The following SCAF8 variants were observed in gnomAD, a reference collection of about 807,000 sequenced individuals.
SCAF8 encodes SR-related and CTD-associated factor 8.
SCAF8 carries 23 observed loss-of-function variants against 140.5 expected under a neutral mutation model. That is an observed-to-expected ratio of 0.16 (90% CI 0.12 to 0.23). The LOEUF is 0.23. Ranked by LOEUF, SCAF8 falls within the 10% of genes least tolerant of loss-of-function variation. The pLI is 1.00. For missense variants in SCAF8, 1,397 were observed against 1,555.7 expected (o/e 0.90, Z 1.72); for synonymous variants, 575 against 528.9 (o/e 1.09, Z -1.20).
intron 1 of SCAF8, among the ~76,000 whole-genome samples, chr6:154,747,228 C>T (rs1435910901): frequency 2.0e-5 from 3 of 151,960 alleles, no homozygotes; most frequent in Non-Finnish European, 2.9e-5. Flanking sequence ...AATATAGAAC[C>T]GTGCGGCTGA....
At chr6:154,734,872 C>G (rs1190242223) in intron 1 of SCAF8, among the ~76,000 whole-genome samples, 1 of 152,194 alleles carries the variant, frequency 6.6e-6, no homozygotes, top group Non-Finnish European at 1.5e-5. Flanking sequence ...GGCCTGTAAT[C>G]CCAGCACTTT....
chr6:154,790,825 G>C (rs1020676610), intron 4 of SCAF8, among the ~76,000 whole-genome samples: 4 of 151,908 alleles, frequency 2.6e-5, no homozygotes, highest in African/African-American at 9.7e-5. Context: ...TTTCGTACTT[G>C]ATTTTAGCCT....
intron 3 of SCAF8, among the ~76,000 whole-genome samples, chr6:154,779,757 AG>A (rs1281293589): frequency 1.6e-5 from 2 of 128,290 alleles, no homozygotes; most frequent in African/African-American, 6.5e-5. Context: ...GGTTAAAATA[AG>A]GTGTGTGTGT....
rs577305177 is a variant in SCAF8, at chr6:154,784,705, T to C, written c.160-3156T>C. Among the ~76,000 whole-genome samples the C allele has an allele frequency of 1.4e-4, 21 of 152,334 alleles. No homozygotes were observed. In the Middle Eastern group the frequency reaches 0.014, roughly 99 times the overall value. ...GATGGGATGATGTCCGTAGGTTATATGCAAATACTGCCCATTTTATATAAG... is the reference window on the plus strand; with the variant it reads ...GATGGGATGATGTCCGTAGGTTATACGCAAATACTGCCCATTTTATATAAG... On this transcript the variant is annotated intron_variant, in intron 3 of 19. Coordinates refer to ENST00000367178, the MANE Select transcript of SCAF8 (RefSeq NM_014892.5).
Position 154,807,052 on chromosome 6 carries a change from CT to C in SCAF8, c.982-1015del, listed in dbSNP as rs757876901. Among the ~76,000 whole-genome samples, 5 of 152,278 alleles carry C rather than the reference CT, an allele frequency of 3.3e-5. No individual in the cohort carries two copies. The East Asian group carries it at 9.6e-4, about 29-fold the overall frequency. On this transcript the variant is annotated intron_variant, in intron 9 of 19. Coordinates refer to ENST00000367178, the MANE Select transcript of SCAF8 (RefSeq NM_014892.5). ...TATAAATGTAACACTTTGTGAATTG[CT>C]TTAGTCATAGTTTCATTTTAGAAGG...
At chr6:154,813,159 A>C (rs1369736573) in intron 12 of SCAF8, among the ~76,000 whole-genome samples, 1 of 152,152 alleles carries the variant, frequency 6.6e-6, no homozygotes, top group Non-Finnish European at 1.5e-5. Context: ...GTGGGATATG[A>C]TTGTGCCACT....
chr6:154,782,587 C>A (rs1385037279), intron 3 of SCAF8, among the ~76,000 whole-genome samples: 1 of 151,990 alleles, frequency 6.6e-6, no homozygotes, highest in African/African-American at 2.4e-5. Context: ...TATATATACA[C>A]ACATATATAG....
chr6:154,785,367 G>C (rs1777222084), intron 3 of SCAF8, among the ~76,000 whole-genome samples: 1 of 152,172 alleles, frequency 6.6e-6, no homozygotes, highest in Non-Finnish European at 1.5e-5. Context: ...GAGTGGAATT[G>C]CTGGTTACAG....
intron 12 of SCAF8, among the ~76,000 whole-genome samples, chr6:154,812,094 C>T (rs1778109124): frequency 1.3e-5 from 2 of 151,300 alleles, no homozygotes; most frequent in Non-Finnish European, 2.9e-5. Flanking sequence ...AAATAAAAAG[C>T]ACGTGAATAA....
chr6:154,833,439 C>T lies in SCAF8; in HGVS notation c.*44C>T. 1 of 1,568,940 alleles carries T rather than the reference C, an allele frequency of 6.4e-7. No homozygotes were observed. Among genetic ancestry groups the T allele is most frequent in the Non-Finnish European group, 8.6e-7 (1 of 1,156,650 alleles). On this transcript the variant is annotated 3_prime_UTR_variant, in exon 20 of 20. Transcript: ENST00000367178. ...AAGATACCTTTTGTAAAGTTGTCAT[C>T]TCTCTGTAATAGATAATGGCTGACT...
intron 13 of SCAF8, among the ~76,000 whole-genome samples, chr6:154,816,396 A>G (rs955057658): frequency 7.2e-5 from 11 of 152,152 alleles, no homozygotes; most frequent in Middle Eastern, 3.2e-3. Context: ...GTTTTGCACC[A>G]CTCAGTCTCC....
chr6:154,760,781 T>C (rs1562431720), intron 1 of SCAF8, among the ~76,000 whole-genome samples: 3 of 152,152 alleles, frequency 2.0e-5, no homozygotes. Context: ...CTAAGAATTT[T>C]TTATTTATTA....
chr6:154,831,998 A>G lies in SCAF8; in HGVS notation c.2419A>G (p.Thr807Ala), dbSNP rs1397090035. The change falls in exon 20 of 20, where the codon ACA (threonine) becomes GCA (alanine). Residue 807 changes from threonine to alanine, a missense_variant. Thr to Ala is a moderately conservative substitution (Grantham distance 58). Coordinates refer to ENST00000367178, the MANE Select transcript of SCAF8 (RefSeq NM_014892.5). Reference protein sequence around the residue: ...AILGGQPPNVTSNSGILGVQR... With the variant: ...AILGGQPPNVASNSGILGVQR... The stretch of plus-strand genomic sequence containing the variant: ...TTTAGGAGGACAGCCGCCAAATGTG[A>G]CAAGCAATTCTGGAATTCTGGGAGT... 4.3e-6 allele frequency: 7 copies of G among 1,613,346 alleles called. No homozygotes were observed. The highest frequency in any genetic ancestry group is 1.7e-5 in the Admixed American group (1 of 59,918).
rs945396431 is a variant in SCAF8, at chr6:154,788,431, A to G, written c.321+409A>G. ...TTGTCGTTAAGTGGCACAGGACTGT[A>G]TATTCTCATTTGCTCTTAGTTATTT... On this transcript the variant is annotated intron_variant, in intron 4 of 19. Coordinates refer to ENST00000367178, the MANE Select transcript of SCAF8 (RefSeq NM_014892.5). Among the ~76,000 whole-genome samples the G allele has an allele frequency of 4.6e-5, 7 of 152,344 alleles. 1 individual carries two copies. Among genetic ancestry groups the G allele is most frequent in the African/African-American group, 1.7e-4 (7 of 41,582 alleles).
At chr6:154,769,567 T>A (rs1477268790) in intron 1 of SCAF8, among the ~76,000 whole-genome samples, 1 of 152,248 alleles carries the variant, frequency 6.6e-6, no homozygotes, top group Non-Finnish European at 1.5e-5. Context: ...GAAAGCTTTT[T>A]ATTTTGATAA....
At chr6:154,786,732 C>A (rs1777269456) in intron 3 of SCAF8, among the ~76,000 whole-genome samples, 1 of 152,148 alleles carries the variant, frequency 6.6e-6, no homozygotes, top group East Asian at 1.9e-4. Flanking sequence ...ATTAGAGAGT[C>A]TTAGGAATTC....
rs948605167 is a variant in SCAF8, at chr6:154,734,742, C to T, written c.30+812C>T. On this transcript the variant is annotated intron_variant, in intron 1 of 19. Transcript: ENST00000367178. The stretch of plus-strand genomic sequence containing the variant: ...ATGTATTCAATTTCTTTTTAAACTC[C>T]GACTTCAATAGGCCTTAATGTAAAC... Among the ~76,000 whole-genome samples the T allele has an allele frequency of 1.0e-3, 154 of 152,114 alleles. 4 individuals carry two copies. Among genetic ancestry groups the T allele is most frequent in the Admixed American group, 0.01 (153 of 15,272 alleles).
In SCAF8 at chr6:154,749,175, C is replaced by T. The variant is rs137982357; in HGVS notation, c.30+15245C>T. 2.4e-3 allele frequency among the ~76,000 whole-genome samples: 359 copies of T among 152,270 alleles called. 2 individuals are homozygous for T. In the East Asian group the frequency reaches 0.029, roughly 12 times the overall value. On this transcript the variant is annotated intron_variant, in intron 1 of 19. Coordinates refer to ENST00000367178, the MANE Select transcript of SCAF8 (RefSeq NM_014892.5). ...TAGGCTGGTCTCGAACTCCCGACCT[C>T]GGTGATCTGCCCGCCTTAGCCTCCC... is the stretch of plus-strand genomic sequence containing the variant.
rs1180228826 is a variant in SCAF8 at position 154,752,413 on chromosome 6, T to TA, written c.30+18490dup. ...CTACCTCTCAGTTGGTTTGAATATTTAAAAAAATCTAATGATTTTATAAAG... is the reference window on the plus strand; with the variant it reads ...CTACCTCTCAGTTGGTTTGAATATTTAAAAAAAATCTAATGATTTTATAAAG... On this transcript the variant is annotated intron_variant, in intron 1 of 19. Transcript: ENST00000367178. 2.6e-5 allele frequency among the ~76,000 whole-genome samples: 4 copies of TA among 152,154 alleles called. No individual in the cohort carries two copies. The East Asian group carries it at 5.8e-4, about 22-fold the overall frequency.
Sources: allele counts gnomAD v4.1 joint callset (sites outside exome capture counted in the v4.1 genomes callset), GRCh38; gene constraint gnomAD v4.1.1; transcripts MANE v1.5; gene names NCBI Gene and HGNC (gene_info 2026-07-23, HGNC 2026-07-21).